Variants in FAM193A observed in about 807,000 individuals in gnomAD.
FAM193A encodes protein FAM193A.
A neutral mutation model predicts 126.5 loss-of-function variants in FAM193A; 22 were observed. The ratio of observed to expected loss-of-function variants is 0.17; its 90% CI spans 0.12 to 0.25. The LOEUF (loss-of-function observed/expected upper bound fraction) is 0.25. FAM193A is among the 10% of genes least tolerant of loss of function. FAM193A has a pLI of 1.00. For missense variants in FAM193A, 1,675 were observed against 1,672.8 expected (o/e 1.00, Z -0.02); for synonymous variants, 761 against 646.8 (o/e 1.18, Z -2.68).
At chr4:2,649,442 G>A (rs1488224962) in intron 7 of FAM193A, among the ~76,000 whole-genome samples, 1 of 151,604 alleles carries the variant, frequency 6.6e-6, no homozygotes, top group Non-Finnish European at 1.5e-5. Flanking sequence ...GGAGGCTGAG[G>A]CAGGTGGATT....
At chr4:2,655,031 T>G (rs1240166651) in intron 7 of FAM193A, 4 of 673,016 alleles carry the variant, frequency 5.9e-6, no homozygotes, top group Non-Finnish European at 1.1e-5. Flanking sequence ...TTTCCAGCAT[T>G]TGTCCCCTTT....
At chr4:2,567,000 C>T (rs1739003368) in intron 1 of FAM193A, among the ~76,000 whole-genome samples, 1 of 149,636 alleles carries the variant, frequency 6.7e-6, no homozygotes, top group Non-Finnish European at 1.5e-5. Flanking sequence ...AATGCAGTGG[C>T]ACAATCTCGG....
At chr4:2,668,484 T>G (rs145816547) in intron 12 of FAM193A, among the ~76,000 whole-genome samples, 14 of 152,216 alleles carry the variant, frequency 9.2e-5, no homozygotes, top group South Asian at 8.3e-4. Flanking sequence ...GTGCTGAGAT[T>G]ACAGGTGTGA....
chr4:2,717,820 A>AT (rs1352031763), intron 20 of FAM193A, among the ~76,000 whole-genome samples: 3 of 150,392 alleles, frequency 2.0e-5, no homozygotes, highest in African/African-American at 7.3e-5. Context: ...CGCCCAGCTA[A>AT]TTTTTTTATT....
intron 3 of FAM193A, among the ~76,000 whole-genome samples, chr4:2,626,096 G>A (rs1415115108): frequency 2.0e-5 from 3 of 152,168 alleles, no homozygotes; most frequent in African/African-American, 7.2e-5. Context: ...GGGCCAAAGG[G>A]TGGGGGCAAA....
At chr4:2,651,252 C>G (rs1745634340) in intron 7 of FAM193A, among the ~76,000 whole-genome samples, 2 of 152,234 alleles carry the variant, frequency 1.3e-5, no homozygotes, top group South Asian at 4.1e-4. Context: ...GTCACTTGAA[C>G]CTGGGAGGCA....
At chr4:2,716,207 T>A in intron 20 of FAM193A, 103 bp downstream of exon 20, 2 of 807,852 alleles carry the variant, frequency 2.5e-6, no homozygotes, top group Middle Eastern at 2.3e-4. Context: ...TGGACGAAGT[T>A]ACATCAAGCA....
intron 12 of FAM193A, among the ~76,000 whole-genome samples, chr4:2,671,703 C>CGGA (rs1713810772): frequency 6.6e-6 from 1 of 152,202 alleles, no homozygotes; most frequent in Non-Finnish European, 1.5e-5. Flanking sequence ...CCACCGTAAC[C>CGGA]GGAAGTCGCG....
intron 19 of FAM193A, among the ~76,000 whole-genome samples, chr4:2,706,072 G>T (rs567210012): frequency 6.6e-6 from 1 of 152,190 alleles, no homozygotes; most frequent in South Asian, 2.1e-4. Flanking sequence ...GCAGGGCATG[G>T]TGGTGCACAC....
intron 10 of FAM193A, among the ~76,000 whole-genome samples, chr4:2,662,131 C>A (rs1712530470): frequency 6.6e-6 from 1 of 151,886 alleles, no homozygotes; most frequent in Non-Finnish European, 1.5e-5. Flanking sequence ...TGCAGTGAGC[C>A]GAGATTGTGC....
intron 2 of FAM193A, among the ~76,000 whole-genome samples, chr4:2,618,157 C>T (rs1455241119): frequency 6.6e-6 from 1 of 152,156 alleles, no homozygotes. Flanking sequence ...CTCTGTGCTT[C>T]TGAGATTTGC....
intron 1 of FAM193A, among the ~76,000 whole-genome samples, chr4:2,591,039 A>AG (rs71644341): frequency 6.6e-6 from 1 of 151,510 alleles, no homozygotes; most frequent in African/African-American, 2.4e-5. Flanking sequence ...AAAAAAAAAA[A>AG]GAGTGTAGAA....
Position 2,662,721 on chromosome 4 carries a change from T to C in FAM193A, c.1746-117T>C, listed in dbSNP as rs560957774. The C allele has an allele frequency of 1.4e-5, 10 of 698,012 alleles. No homozygotes were observed. In the East Asian group the frequency reaches 2.5e-4, roughly 18 times the overall value. 43.2% of individuals were successfully genotyped at this position (698,012 alleles called of 1,614,324 possible). ...AGTGGTAGGAATGATACTTAACTAA[T>C]ACTCTTTGTAAATGAAAGCCGTGAT... On this transcript the variant is annotated intron_variant, in intron 10 of 20. Transcript: ENST00000637812.
chr4:2,550,955 C>G (rs1056469032), intron 1 of FAM193A, among the ~76,000 whole-genome samples: 2 of 152,018 alleles, frequency 1.3e-5, no homozygotes, highest in African/African-American at 4.8e-5. Flanking sequence ...CGTCCGCCAC[C>G]ACACCTGGGT....
At chr4:2,576,027 A>G (rs1338676761) in intron 1 of FAM193A, among the ~76,000 whole-genome samples, 1 of 152,150 alleles carries the variant, frequency 6.6e-6, no homozygotes, top group South Asian at 2.1e-4. Flanking sequence ...GATTCCTTAT[A>G]GTTCTTTTGG....
At chr4:2,640,571 T>C (rs556793932) in intron 6 of FAM193A, among the ~76,000 whole-genome samples, 1 of 152,190 alleles carries the variant, frequency 6.6e-6, no homozygotes, top group African/African-American at 2.4e-5. Flanking sequence ...GTCTGCAGTT[T>C]GGTGATTTTG....
chr4:2,716,431 C>T (rs1212716420), intron 20 of FAM193A, among the ~76,000 whole-genome samples: 2 of 152,042 alleles, frequency 1.3e-5, no homozygotes, highest in Non-Finnish European at 2.9e-5. Flanking sequence ...CCAGCAGCGT[C>T]TCCTGGGGAT....
At chr4:2,546,514 C>T (rs1168103497) in intron 1 of FAM193A, among the ~76,000 whole-genome samples, 3 of 152,070 alleles carry the variant, frequency 2.0e-5, no homozygotes, top group Admixed American at 2.0e-4. Context: ...TCATACAGTC[C>T]ATTTATGACT....
intron 13 of FAM193A, among the ~76,000 whole-genome samples, chr4:2,681,972 G>T (rs1195123585): frequency 8.5e-5 from 11 of 129,196 alleles, no homozygotes; most frequent in African/African-American, 3.2e-4. Context: ...ACTTCTCAGG[G>T]TTTTTTTTTT....
Sources: allele counts gnomAD v4.1 joint callset (sites outside exome capture counted in the v4.1 genomes callset), GRCh38; gene constraint gnomAD v4.1.1; transcripts MANE v1.5; gene names NCBI Gene and HGNC (gene_info 2026-07-23, HGNC 2026-07-21).